CAMK1: variants seen among roughly 807,000 people sequenced by gnomAD.
CAMK1 encodes calcium/calmodulin dependent protein kinase I, also known as calcium/calmodulin-dependent protein kinase type 1.
A neutral mutation model predicts 49.1 loss-of-function variants in CAMK1; 39 were observed. The observed-to-expected ratio is 0.79, with a 90% CI of 0.62 to 1.04. The LOEUF is 1.04. Ranked by LOEUF, CAMK1 falls within the 50% of genes least tolerant of loss-of-function variation. CAMK1 has a pLI of 0.00. For missense variants in CAMK1, 457 were observed against 472.2 expected, an observed-to-expected ratio of 0.97 and a Z score of 0.30; for synonymous variants, 192 against 185.2, an observed-to-expected ratio of 1.04 and a Z score of -0.30.
chr3:9,767,530 G>C (rs535452489), intron 2 of CAMK1, 137 bp downstream of exon 2: 2 of 1,049,006 alleles, frequency 1.9e-6, no homozygotes, highest in South Asian at 3.1e-5. Context: ...GAAAAGCTGG[G>C]GACAGTTTAG....
chr3:9,761,657 G>T lies in CAMK1; in HGVS notation c.530C>A (p.Thr177Asn). The T allele has an allele frequency of 6.2e-7, 1 of 1,614,182 alleles. No homozygotes were observed. Residue 177 changes from threonine (T) to asparagine (N), a missense_variant, in exon 6 of 12, where the codon ACC (threonine) becomes AAC (asparagine). Coordinates refer to ENST00000256460, the MANE Select transcript of CAMK1 (RefSeq NM_003656.5). ...KMEDPGSVLSTACGTPGYVAP... is the reference protein window; with the variant it reads ...KMEDPGSVLSNACGTPGYVAP... ...CACGTATCCCGGAGTTCCACAGGCG[G>T]TGGAGAGCACACTGCCCGGGTCCTC...
chr3:9,763,275 C>T (rs114080618), intron 3 of CAMK1, 62 bp from the exon 4 acceptor site: 2 of 1,603,594 alleles, frequency 1.2e-6, no homozygotes, highest in South Asian at 1.1e-5. Flanking sequence ...GTCCAAGCTA[C>T]TTGGGAACTT....
At chr3:9,761,919 A>C in intron 5 of CAMK1, 162 bp from the exon 6 acceptor site, 1 of 1,073,648 alleles carries the variant, frequency 9.3e-7, no homozygotes. Flanking sequence ...AGAAGGCCAA[A>C]AATTCCAGGA....
In CAMK1 at chr3:9,760,662, C is replaced by T; in HGVS notation, c.739G>A (p.Asp247Asn). The T allele has an allele frequency of 6.2e-7, 1 of 1,613,926 alleles. No homozygotes were observed. The highest frequency in any genetic ancestry group is 8.5e-7 in the Non-Finnish European group (1 of 1,179,922). The change falls in exon 8 of 12, where the codon GAC becomes AAC. Residue 247 changes from aspartate to asparagine, a missense_variant. Coordinates refer to ENST00000256460, the MANE Select transcript of CAMK1 (RefSeq NM_003656.5). ...AAAGCAAAGCCCCAAATACCAGAGTCAGAGATGTCGTCCCAGTAAGGAGAG... is the reference window on the plus strand; with the variant it reads ...AAAGCAAAGCCCCAAATACCAGAGTTAGAGATGTCGTCCCAGTAAGGAGAG... The part of the protein sequence containing the change: ...FDSPYWDDIS[D>N]SAKDFIRHLM...
chr3:9,759,413 G>A, intron 10 of CAMK1, 75 bp downstream of exon 10: 1 of 1,601,254 alleles, frequency 6.2e-7, no homozygotes, highest in African/African-American at 1.3e-5. Context: ...GCCAGGTGCT[G>A]TGCAAGCTGA....
chr3:9,765,952 C>T, intron 2 of CAMK1, 62 bp from the exon 3 acceptor site: 2 of 1,614,214 alleles, frequency 1.2e-6, no homozygotes. Context: ...CCAGCCTCTC[C>T]TCCATTCCCT....
intron 5 of CAMK1, chr3:9,762,359 T>C (rs2077920842): frequency 6.5e-6 from 1 of 153,446 alleles, no homozygotes; most frequent in Admixed American, 6.5e-5. Context: ...GATTTTTTGT[T>C]TTTATTTTAT....
In CAMK1 at chr3:9,757,491, G is replaced by GC. The variant is rs1559691171; in HGVS notation, c.*47dup. The GC allele has an allele frequency of 6.2e-7, 1 of 1,603,516 alleles. No individual in the cohort carries two copies. Among genetic ancestry groups the GC allele is most frequent in the Non-Finnish European group, 8.5e-7 (1 of 1,173,114 alleles). The stretch of plus-strand genomic sequence containing the variant: ...TTCAGGGAGGGAAGGGGAGCAGGCT[G>GC]CCCCCAAGCCCTCCCACGCAGAGGA... On this transcript the variant is annotated 3_prime_UTR_variant, in exon 12 of 12. Transcript: ENST00000256460. This position sits in a 1 kb window ranked among gnomAD's most constrained non-coding sequence, Gnocchi z 4.5.
At chr3:9,759,628 G>A in intron 9 of CAMK1, 44 bp downstream of exon 9, 2 of 1,614,054 alleles carry the variant, frequency 1.2e-6, no homozygotes, top group South Asian at 1.1e-5. Flanking sequence ...CAGACCTGAG[G>A]GCCCCAAATC....
chr3:9,760,964 C>T, intron 7 of CAMK1, 196 bp from the exon 8 acceptor site: 2 of 765,970 alleles, frequency 2.6e-6, no homozygotes, highest in South Asian at 1.8e-5. Context: ...GCCATCTTGC[C>T]CTCCTCAGGG....
chr3:9,762,985 G>A lies in CAMK1; in HGVS notation c.358C>T (p.Arg120Cys), dbSNP rs766533357. Residue 120 changes from arginine to cysteine, a missense_variant, in exon 5 of 12, where the codon CGC becomes TGC. Arg to Cys is a radical substitution (Grantham distance 180). Coordinates refer to ENST00000256460, the MANE Select transcript of CAMK1 (RefSeq NM_003656.5). ...GCATCCAGCACCTGGAAGATGAGGC[G>A]GCTGGCGTCCCGCTCCGTGTAGAAG... ...KGFYTERDASRLIFQVLDAVK... is the reference protein window; with the variant it reads ...KGFYTERDASCLIFQVLDAVK... 8.1e-6 allele frequency: 13 copies of A among 1,614,014 alleles called. No individual in the cohort carries two copies. The highest frequency in any genetic ancestry group is 4.5e-5 in the East Asian group (2 of 44,884).
intron 5 of CAMK1, chr3:9,762,409 C>T (rs1475898075): frequency 1.3e-5 from 2 of 155,126 alleles, no homozygotes; most frequent in Non-Finnish European, 2.9e-5. Flanking sequence ...TCCAGGCTCG[C>T]TCTGTCGCCC....
rs2077883046 is a variant in CAMK1 at position 9,761,697 on chromosome 3, C to T, written c.490G>A (p.Gly164Ser). Residue 164 changes from glycine (G) to serine (S), a missense_variant, in exon 6 of 12, where the codon GGC (glycine) becomes AGC (serine). By Grantham distance (56) the Gly-to-Ser change is moderately conservative. Transcript: ENST00000256460. ...EDSKIMISDF[G>S]LSKMEDPGSV... ...CCCGGGTCCTCCATCTTGGAGAGGCCAAAGTCGGAGATCATGATTTTGGAG... is the reference window on the plus strand; with the variant it reads ...CCCGGGTCCTCCATCTTGGAGAGGCTAAAGTCGGAGATCATGATTTTGGAG... 1 of 1,614,082 alleles carries T rather than the reference C, an allele frequency of 6.2e-7. No homozygotes were observed. The highest frequency in any genetic ancestry group is 8.5e-7 in the Non-Finnish European group (1 of 1,180,016).
rs1310854701 is a variant in CAMK1, at chr3:9,764,611, G to GTTTTTTT, written c.215+1147_215+1148insAAAAAAA. Among the ~76,000 whole-genome samples, 10 of 125,144 alleles carry GTTTTTTT rather than the reference G, an allele frequency of 8.0e-5. 1 individual carries two copies. Among genetic ancestry groups the GTTTTTTT allele is most frequent in the Non-Finnish European group, 9.7e-5 (6 of 61,612 alleles). 82.1% of individuals were successfully genotyped at this position (125,144 alleles called of 152,430 possible). Reference sequence around the variant, plus strand: ...ACAGGCGTGAGCCACTGCGCCTGGCGTTTTTGTTTTTTTTTTGTTTTTTTT... The same window carrying GTTTTTTT: ...ACAGGCGTGAGCCACTGCGCCTGGCGTTTTTTTTTTTTGTTTTTTTTTTGTTTTTTTT... On this transcript the variant is annotated intron_variant, in intron 3 of 11. Transcript: ENST00000256460.
rs1194192517 is a variant in CAMK1, at chr3:9,762,900, C to T, written c.429+14G>A. ...CCTGGGTACCCTAGCTCACCACACC[C>T]CCTTGAGCCCCACCTTGAGATCCCG... On this transcript the variant is annotated intron_variant, in intron 5 of 11. Transcript: ENST00000256460. 1.2e-6 allele frequency: 2 copies of T among 1,613,704 alleles called. 1 individual carries two copies. Among genetic ancestry groups the T allele is most frequent in the South Asian group, 2.2e-5 (2 of 91,070 alleles).
chr3:9,766,691 C>T lies in CAMK1; in HGVS notation c.84-801G>A, dbSNP rs192749019. ...AGGATTTGCTAGGGTATTCTTTCCACATCTGTTTGCTTTCTCTGGGAGAAT... is the reference window on the plus strand; with the variant it reads ...AGGATTTGCTAGGGTATTCTTTCCATATCTGTTTGCTTTCTCTGGGAGAAT... On this transcript the variant is annotated intron_variant, in intron 2 of 11. Coordinates refer to ENST00000256460, the MANE Select transcript of CAMK1 (RefSeq NM_003656.5). 1.5e-4 allele frequency: 148 copies of T among 969,390 alleles called. No homozygotes were observed. The Middle Eastern group carries it at 1.6e-3, about 10-fold the overall frequency. 60.0% of individuals were successfully genotyped at this position (969,390 alleles called of 1,614,324 possible).
intron 9 of CAMK1, 42 bp from the exon 10 acceptor site, chr3:9,759,617 G>A (rs377602451): frequency 1.9e-4 from 302 of 1,614,028 alleles, no homozygotes; most frequent in Non-Finnish European, 2.5e-4. Context: ...GAGGGCAGAA[G>A]CAGACCTGAG....
chr3:9,761,311 T>C, intron 7 of CAMK1, 150 bp downstream of exon 7: 3 of 763,548 alleles, frequency 3.9e-6, no homozygotes, highest in East Asian at 2.7e-5. Context: ...ATAGTATCTA[T>C]TGAATGAAGT....
At chr3:9,765,283 G>C (rs542070648) in intron 3 of CAMK1, among the ~76,000 whole-genome samples, 12 of 152,164 alleles carry the variant, frequency 7.9e-5, no homozygotes, top group Non-Finnish European at 8.8e-5. Context: ...GGAGAGATTG[G>C]AAGTGATTCT....
Sources: gnomAD v4.1 joint callset for allele counts (sites outside exome capture counted in the v4.1 genomes callset) on GRCh38, gnomAD v4.1.1 for gene constraint, Gnocchi (gnomAD v3.1) non-coding constraint, MANE v1.5 for transcripts, NCBI Gene and HGNC (gene_info 2026-07-23, HGNC 2026-07-21) for gene names.